Variants in CENPA observed in about 807,000 individuals in gnomAD.
CENPA encodes histone H3-like centromeric protein A.
Under a neutral mutation model 17.2 loss-of-function variants are expected in CENPA, and 7 were observed. That is an observed-to-expected ratio of 0.41 (90% CI 0.23 to 0.76). The LOEUF is 0.76. Ranked by LOEUF, CENPA falls within the 30% of genes least tolerant of loss-of-function variation. The pLI is 0.34. For missense variants in CENPA, 149 were observed against 193.1 expected, an observed-to-expected ratio of 0.77 and a Z score of 1.35; for synonymous variants, 82 against 77.4, an observed-to-expected ratio of 1.06 and a Z score of -0.31.
rs1022900465 is a variant in CENPA at position 26,792,416 on chromosome 2, T to C, written c.210+176T>C. On this transcript the variant is annotated intron_variant, in intron 2 of 4. Transcript: ENST00000335756. The stretch of plus-strand genomic sequence containing the variant: ...TCCAAGAGCACCTTGTAATTCTTTA[T>C]GGAATTGATTTCTAACCTCTACTAC... 4.3e-6 allele frequency: 3 copies of C among 700,034 alleles called. No homozygotes were observed. The African/African-American group carries it at 5.3e-5, about 12-fold the overall frequency. 43.4% of individuals were successfully genotyped at this position (700,034 alleles called of 1,614,324 possible).
In CENPA at chr2:26,794,241, C is replaced by T. The variant is rs1048848039; in HGVS notation, c.*477C>T. ...CCACTTTGAGCAGTTGCCTGGAAGG[C>T]TGGGCATTTCCATCATATAGACCTC... On this transcript the variant is annotated 3_prime_UTR_variant, in exon 5 of 5. Coordinates refer to ENST00000335756, the MANE Select transcript of CENPA (RefSeq NM_001809.4). 1 of 152,264 alleles carries T rather than the reference C, an allele frequency of 6.6e-6. No homozygotes were observed. The highest frequency in any genetic ancestry group is 1.5e-5 in the Non-Finnish European group (1 of 68,044). 9.4% of individuals were successfully genotyped at this position (152,264 alleles called of 1,614,324 possible). A position where few individuals can be genotyped will look rare whatever the true frequency, so the allele number is the denominator to read the frequency against.
In CENPA at chr2:26,786,081, G is replaced by T. The variant is rs1002700769; in HGVS notation, c.-116G>T. 7.9e-7 allele frequency: 1 copy of T among 1,273,118 alleles called. No homozygotes were observed. The highest frequency in any genetic ancestry group is 1.6e-5 in the African/African-American group (1 of 64,110). The allele number at this position is 1,273,118 out of a possible 1,614,324, so 78.9% of individuals were successfully genotyped here. On this transcript the variant is annotated 5_prime_UTR_variant, in exon 1 of 5. The change abolishes an upstream ATG in the 5' untranslated region. Coordinates refer to ENST00000335756, the MANE Select transcript of CENPA (RefSeq NM_001809.4). ...GGACTTCTGCCAAGCACCGGCTCAT[G>T]TGAGGCTCGCGGCACAGCGTTCTCT...
chr2:26,789,732 C>T (rs894462188), intron 1 of CENPA, among the ~76,000 whole-genome samples: 1 of 152,128 alleles, frequency 6.6e-6, no homozygotes, highest in African/African-American at 2.4e-5. Context: ...AATACAAATG[C>T]AGGTCCAGAT....
rs905314868 is a variant in CENPA, at chr2:26,793,253, C to T, written c.397C>T (p.Arg133Trp). ...PKDVQLARRI[R>W]GLEEGLG ...GGATGTGCAACTGGCCCGGAGGATC[C>T]GGGGCCTTGAGGAGGGACTCGGCTG... Residue 133 changes from arginine (R) to tryptophan (W), a missense_variant, in exon 4 of 5, where the codon CGG becomes TGG. Physicochemically the swap from Arg to Trp is moderately radical, Grantham distance 101. Around this residue, in one of 2 missense-constraint regions of CENPA, gnomAD observed 54 missense variants for 105.7 expected, o/e 0.51. Transcript: ENST00000335756. The T allele has an allele frequency of 5.6e-6, 9 of 1,614,090 alleles. No homozygotes were observed. The highest frequency in any genetic ancestry group is 7.6e-6 in the Non-Finnish European group (9 of 1,180,020).
chr2:26,792,574 A>G (rs979908793), intron 2 of CENPA, 182 bp from the exon 3 acceptor site: 3 of 721,318 alleles, frequency 4.2e-6, no homozygotes, highest in South Asian at 3.0e-5. Context: ...CCAGTAAGAG[A>G]TCCGCCAGTT....
chr2:26,791,349 GGTTA>G (rs1300188636), intron 1 of CENPA, among the ~76,000 whole-genome samples: 5 of 152,162 alleles, frequency 3.3e-5, no homozygotes, highest in African/African-American at 1.2e-4. Flanking sequence ...CTTCAACACA[GGTTA>G]GTTAGAAGAA....
At chr2:26,790,192 TTTTG>T (rs1664590320) in intron 1 of CENPA, among the ~76,000 whole-genome samples, 1 of 152,176 alleles carries the variant, frequency 6.6e-6, no homozygotes, top group Non-Finnish European at 1.5e-5. Context: ...GTATTGGCTA[TTTTG>T]TTTGTTGAGT....
chr2:26,791,661 T>TA (rs892445427), intron 1 of CENPA, among the ~76,000 whole-genome samples: 2 of 152,020 alleles, frequency 1.3e-5, no homozygotes, highest in Non-Finnish European at 2.9e-5. Flanking sequence ...TTTCCAGCTG[T>TA]AAAAAACAAA....
At chr2:26,793,379 C>A in intron 4 of CENPA, 53 bp downstream of exon 4, 1 of 1,494,978 alleles carries the variant, frequency 6.7e-7, no homozygotes, top group Non-Finnish European at 9.0e-7. Context: ...AAGTAATTTC[C>A]TTTCTCCATC....
intron 2 of CENPA, 124 bp downstream of exon 2, chr2:26,792,364 G>A: frequency 1.4e-6 from 1 of 735,660 alleles, no homozygotes; most frequent in Non-Finnish European, 2.3e-6. Flanking sequence ...AACCTGGTAG[G>A]GGATTCTTTT....
intron 1 of CENPA, among the ~76,000 whole-genome samples, chr2:26,789,786 A>G (rs188910035): frequency 1.3e-5 from 2 of 151,950 alleles, no homozygotes; most frequent in East Asian, 3.9e-4. Flanking sequence ...CATTTTCACC[A>G]TCTCTGCTCC....
chr2:26,790,773 G>A (rs1664601234), intron 1 of CENPA, among the ~76,000 whole-genome samples: 1 of 152,190 alleles, frequency 6.6e-6, no homozygotes, highest in South Asian at 2.1e-4. Flanking sequence ...CTGTTTCATT[G>A]GCCTGTGTTC....
chr2:26,792,794 C>T lies in CENPA; in HGVS notation c.249C>T (p.Asp83=), dbSNP rs763924261. 5 of 1,614,192 alleles carry T rather than the reference C, an allele frequency of 3.1e-6. No individual in the cohort carries two copies. The highest frequency in any genetic ancestry group is 3.4e-6 in the Non-Finnish European group (4 of 1,180,022). ...GTGTTAAATTCACTCGTGGTGTGGA[C>T]TTCAATTGGCAAGCCCAGGCCCTAT... The part of the protein sequence containing the change: ...EICVKFTRGV[D]FNWQAQALLA... The change falls in exon 3 of 5, where the codon GAC becomes GAT. Residue 83 remains aspartate (D), a synonymous_variant. Transcript: ENST00000335756.
chr2:26,786,352 C>T, intron 1 of CENPA, 56 bp downstream of exon 1: 3 of 1,290,784 alleles, frequency 2.3e-6, no homozygotes, highest in East Asian at 6.3e-5. Context: ...GCAGGCGGAG[C>T]CCGGATCTCC....
At chr2:26,789,330 C>A (rs1664574826) in intron 1 of CENPA, among the ~76,000 whole-genome samples, 1 of 152,094 alleles carries the variant, frequency 6.6e-6, no homozygotes, top group South Asian at 2.1e-4. Context: ...GTTCCCTTGG[C>A]TTCCATGCCA....
intron 3 of CENPA, 84 bp from the exon 4 acceptor site, chr2:26,793,061 C>A: frequency 2.6e-6 from 4 of 1,551,870 alleles, no homozygotes; most frequent in Non-Finnish European, 2.6e-6. Context: ...TTTGAGCCCT[C>A]AGAGATTAAG....
chr2:26,792,902 G>A (rs1269680102), intron 3 of CENPA, 69 bp downstream of exon 3: 4 of 1,438,256 alleles, frequency 2.8e-6, no homozygotes, highest in East Asian at 2.3e-5. Flanking sequence ...GAATTCTCCA[G>A]TGCTGACTGG....
intron 1 of CENPA, among the ~76,000 whole-genome samples, chr2:26,788,161 C>A (rs1282373829): frequency 1.3e-5 from 2 of 152,100 alleles, no homozygotes; most frequent in African/African-American, 4.8e-5. Flanking sequence ...ATTCTTTCTT[C>A]AATTTTCGAG....
At position 26,791,269 on chromosome 2, in the gene CENPA, C is replaced by CAT. The variant is rs569077917; in HGVS notation, c.101-860_101-859dup. Among the ~76,000 whole-genome samples, 3 of 152,264 alleles carry CAT rather than the reference C, an allele frequency of 2.0e-5. No individual in the cohort carries two copies. The South Asian group carries it at 6.2e-4, about 32-fold the overall frequency. ...CTCTAGTACTATTTTGGCTGTATCT[C>CAT]ATAAGTTTTGGGATATGGGCTTTTT... On this transcript the variant is annotated intron_variant, in intron 1 of 4. Transcript: ENST00000335756.
Sources: gnomAD v4.1 joint callset for allele counts (sites outside exome capture counted in the v4.1 genomes callset) on GRCh38, gnomAD v4.1.1 for gene constraint, gnomAD v4.1.1 regional missense constraint, MANE v1.5 for transcripts, NCBI Gene and HGNC (gene_info 2026-07-23, HGNC 2026-07-21) for gene names.